Variants in CCDC60 observed in about 807,000 individuals in gnomAD.
CCDC60 encodes the protein coiled-coil domain-containing protein 60.
In CCDC60, 54 loss-of-function variants were observed where a neutral mutation model predicts 63.5. The observed-to-expected ratio is 0.85, with a 90% CI of 0.68 to 1.07. The LOEUF (loss-of-function observed/expected upper bound fraction) is 1.07, where lower values mean the gene tolerates loss of function less well. Ranked by LOEUF, CCDC60 falls within the 50% of genes least tolerant of loss-of-function variation. The pLI is 0.00. For synonymous variants in CCDC60, 206 were observed against 238.8 expected (o/e 0.86, Z 1.27); for missense variants, 651 against 684.3 (o/e 0.95, Z 0.54).
chr12:119,413,427 C>T (rs1441764311), intron 1 of CCDC60, among the ~76,000 whole-genome samples: 1 of 152,196 alleles, frequency 6.6e-6, no homozygotes, highest in Non-Finnish European at 1.5e-5. Flanking sequence ...CAGTCTTGCT[C>T]GGCCCTTAAG....
chr12:119,355,150 C>G (rs1000652376), intron 1 of CCDC60, among the ~76,000 whole-genome samples: 3 of 152,120 alleles, frequency 2.0e-5, no homozygotes, highest in African/African-American at 7.2e-5. Context: ...AGTCTTGAAA[C>G]TTGGGTAACC....
chr12:119,461,950 G>T (rs1364491880), intron 2 of CCDC60, among the ~76,000 whole-genome samples: 1 of 152,198 alleles, frequency 6.6e-6, no homozygotes, highest in Non-Finnish European at 1.5e-5. Flanking sequence ...CAAGCTCGTT[G>T]AATGAACATC....
intron 1 of CCDC60, among the ~76,000 whole-genome samples, chr12:119,381,364 G>A (rs951282760): frequency 1.3e-5 from 2 of 152,276 alleles, no homozygotes; most frequent in East Asian, 1.9e-4. Context: ...CTTTAAAGTC[G>A]AATTCTGTCC....
intron 1 of CCDC60, among the ~76,000 whole-genome samples, chr12:119,349,404 G>A (rs960753355): frequency 6.9e-6 from 1 of 145,946 alleles, no homozygotes; most frequent in Non-Finnish European, 1.5e-5. Context: ...AGAGTGCAGT[G>A]GCACAATCTG....
intron 5 of CCDC60, among the ~76,000 whole-genome samples, chr12:119,498,926 G>C (rs1171586248): frequency 6.6e-6 from 1 of 152,148 alleles, no homozygotes; most frequent in African/African-American, 2.4e-5. Flanking sequence ...TGAAAACTCA[G>C]TTTTTTCATA....
rs780770101 is a variant in CCDC60 at position 119,505,161 on chromosome 12, G to T, written c.741G>T (p.Gly247=). 3 of 1,614,084 alleles carry T rather than the reference G, an allele frequency of 1.9e-6. No homozygotes were observed. The highest frequency in any genetic ancestry group is 2.5e-6 in the Non-Finnish European group (3 of 1,180,024). ...TCAGTCTGAGTCGGGCCAGTGGGGG[G>T]TCCTCTCCCCAGAGCAGCATGATCT... The part of the protein sequence containing the change: ...STLSLSRASG[G]SSPQSSMISV... Residue 247 remains glycine (G), a synonymous_variant, in exon 7 of 14, where the codon GGG becomes GGT. Transcript: ENST00000327554.
chr12:119,350,230 C>T (rs1955642725), intron 1 of CCDC60, among the ~76,000 whole-genome samples: 1 of 151,838 alleles, frequency 6.6e-6, no homozygotes, highest in Admixed American at 6.6e-5. Context: ...CAGAGTCTCG[C>T]TCTGTCACCC....
rs543304067 is a variant in CCDC60 at position 119,394,019 on chromosome 12, C to T, written c.91-34664C>T. ...TCAAGATGCTGGAACTATGACAGGC[C>T]CTTAATAGGCCCCCAGAAAATATTT... is the stretch of plus-strand genomic sequence containing the variant. On this transcript the variant is annotated intron_variant, in intron 1 of 13. Coordinates refer to ENST00000327554, the MANE Select transcript of CCDC60 (RefSeq NM_178499.5). Among the ~76,000 whole-genome samples the T allele has an allele frequency of 2.1e-4, 32 of 152,216 alleles. No homozygotes were observed. The South Asian group carries it at 6.6e-3, about 32-fold the overall frequency.
rs1566060996 is a variant in CCDC60 at position 119,522,956 on chromosome 12, C to G, written c.1058C>G (p.Thr353Arg). 7 of 1,614,158 alleles carry G rather than the reference C, an allele frequency of 4.3e-6. No homozygotes were observed. Among genetic ancestry groups the G allele is most frequent in the Non-Finnish European group, 5.9e-6 (7 of 1,180,018 alleles). ...TLKSSERSSSTSAESHIQPVQ... is the reference protein window; with the variant it reads ...TLKSSERSSSRSAESHIQPVQ... ...TGTTTCAGTGAGAGATCCAGCAGTA[C>G]AAGTGCAGAAAGCCACATCCAACCA... The change falls in exon 10 of 14, where the codon ACA becomes AGA. Residue 353 changes from threonine (T) to arginine (R), a missense_variant. Coordinates refer to ENST00000327554, the MANE Select transcript of CCDC60 (RefSeq NM_178499.5).
At chr12:119,411,438 C>T (rs1565994338) in intron 1 of CCDC60, among the ~76,000 whole-genome samples, 1 of 149,714 alleles carries the variant, frequency 6.7e-6, no homozygotes, top group Non-Finnish European at 1.5e-5. Context: ...ACCCGGGAGG[C>T]GGAGGCTGCA....
intron 2 of CCDC60, among the ~76,000 whole-genome samples, chr12:119,443,984 C>T (rs1482253496): frequency 6.6e-6 from 1 of 152,192 alleles, no homozygotes; most frequent in East Asian, 1.9e-4. Context: ...CACACATACA[C>T]CAATATCTCT....
chr12:119,387,753 T>G (rs1956085690), intron 1 of CCDC60, among the ~76,000 whole-genome samples: 3 of 152,236 alleles, frequency 2.0e-5, no homozygotes, highest in Admixed American at 6.5e-5. Context: ...AAAATTTACC[T>G]AATTGCTTTT....
intron 5 of CCDC60, among the ~76,000 whole-genome samples, chr12:119,491,119 A>G (rs1038945840): frequency 6.6e-6 from 1 of 152,086 alleles, no homozygotes; most frequent in Non-Finnish European, 1.5e-5. Context: ...TCTCTACATG[A>G]TTTTCCCCTT....
chr12:119,491,712 CTT>C (rs34290377), intron 5 of CCDC60, among the ~76,000 whole-genome samples: 140 of 144,572 alleles, frequency 9.7e-4, no homozygotes, highest in Non-Finnish European at 1.1e-3. Context: ...AAAGCAATAT[CTT>C]TTTTTTTTTT....
intron 12 of CCDC60, among the ~76,000 whole-genome samples, chr12:119,530,034 GA>G (rs757166031): frequency 4.9e-4 from 74 of 152,222 alleles, no homozygotes; most frequent in Non-Finnish European, 7.8e-4. Context: ...GATAGTTATT[GA>G]GCACCTACTA....
intron 1 of CCDC60, among the ~76,000 whole-genome samples, chr12:119,347,847 C>T (rs1955613641): frequency 3.3e-5 from 5 of 152,312 alleles, no homozygotes; most frequent in South Asian, 2.1e-4. Flanking sequence ...GCCCCAGGCA[C>T]GTAGTCAGTG....
rs79750303 is a variant in CCDC60, at chr12:119,443,778, C to A, written c.170+15016C>A. The stretch of plus-strand genomic sequence containing the variant: ...AACAAAACATGGCTTTTGGAGCCAG[C>A]ATGAATCCTGGCTCTACCACCTACT... On this transcript the variant is annotated intron_variant, in intron 2 of 13. Coordinates refer to ENST00000327554, the MANE Select transcript of CCDC60 (RefSeq NM_178499.5). 9.1e-3 allele frequency among the ~76,000 whole-genome samples: 1,381 copies of A among 152,316 alleles called. 23 individuals carry two copies. Among genetic ancestry groups the A allele is most frequent in the African/African-American group, 0.031 (1,296 of 41,578 alleles).
intron 1 of CCDC60, among the ~76,000 whole-genome samples, chr12:119,348,441 A>T (rs1265342666): frequency 6.6e-6 from 1 of 152,152 alleles, no homozygotes; most frequent in African/African-American, 2.4e-5. Context: ...AGCACATTTG[A>T]GTCTCCTTCA....
At chr12:119,484,776 C>G (rs1207205041) in intron 4 of CCDC60, among the ~76,000 whole-genome samples, 1 of 152,114 alleles carries the variant, frequency 6.6e-6, no homozygotes, top group African/African-American at 2.4e-5. Flanking sequence ...AGATCTGAAC[C>G]AATTCATTCC....
Sources: gnomAD v4.1 joint callset for allele counts (sites outside exome capture counted in the v4.1 genomes callset) on GRCh38, gnomAD v4.1.1 for gene constraint, MANE v1.5 for transcripts, NCBI Gene and HGNC (gene_info 2026-07-23, HGNC 2026-07-21) for gene names.